Variants in ADGRL3 observed in about 807,000 individuals in gnomAD.
ADGRL3 encodes the protein adhesion G protein-coupled receptor L3, also known as calcium-independent alpha-latrotoxin receptor 3.
Under a neutral mutation model 153.5 loss-of-function variants are expected in ADGRL3, and 62 were observed. That is an observed-to-expected ratio of 0.40 (90% confidence interval 0.33 to 0.50). ADGRL3 has a LOEUF of 0.50. ADGRL3 is among the 20% of genes least tolerant of loss of function. ADGRL3 has a pLI of 0.47. For synonymous variants in ADGRL3, 710 were observed against 672.5 expected, an observed-to-expected ratio of 1.06 and a Z score of -0.86; for missense variants, 1,641 against 1,859.4, an observed-to-expected ratio of 0.88 and a Z score of 2.16.
At chr4:61,524,566 G>T (rs1250664959) in intron 4 of ADGRL3, among the ~76,000 whole-genome samples, 1 of 152,010 alleles carries the variant, frequency 6.6e-6, no homozygotes, top group Non-Finnish European at 1.5e-5. Flanking sequence ...TTTGAAGTCA[G>T]ATTTGTTTCA....
chr4:61,761,382 T>C (rs967228723), intron 8 of ADGRL3, among the ~76,000 whole-genome samples: 1 of 152,204 alleles, frequency 6.6e-6, no homozygotes, highest in African/African-American at 2.4e-5. Context: ...GTTTGGAGGT[T>C]AGAAGCAAGA....
At position 62,071,826 on chromosome 4, in the gene ADGRL3, T is replaced by C; in HGVS notation, c.*918T>C. ...GAACTATCACTTTATAAGAATCATTTTCTAGTAATGCAAACAAATTATTTT... is the reference window on the plus strand; with the variant it reads ...GAACTATCACTTTATAAGAATCATTCTCTAGTAATGCAAACAAATTATTTT... On this transcript the variant is annotated 3_prime_UTR_variant, in exon 27 of 27. Coordinates refer to ENST00000683033, the MANE Select transcript of ADGRL3 (RefSeq NM_001387552.1). 2.8e-6 allele frequency: 1 copy of C among 360,090 alleles called. No individual in the cohort carries two copies. Among genetic ancestry groups the C allele is most frequent in the Non-Finnish European group, 5.4e-6 (1 of 186,840 alleles). 22.3% of individuals were successfully genotyped at this position (360,090 alleles called of 1,614,324 possible).
intron 13 of ADGRL3, among the ~76,000 whole-genome samples, chr4:61,922,950 C>A (rs2098776986): frequency 6.6e-6 from 1 of 152,112 alleles, no homozygotes; most frequent in Non-Finnish European, 1.5e-5. Flanking sequence ...TAAATATGAC[C>A]TTTTGATTAC....
chr4:61,674,944 G>A (rs977208801), intron 5 of ADGRL3, among the ~76,000 whole-genome samples: 1 of 151,942 alleles, frequency 6.6e-6, no homozygotes, highest in Non-Finnish European at 1.5e-5. Flanking sequence ...TTATACATTT[G>A]TCTGATCATC....
chr4:61,871,787 A>G (rs1337316517), intron 9 of ADGRL3, among the ~76,000 whole-genome samples: 1 of 152,162 alleles, frequency 6.6e-6, no homozygotes, highest in African/African-American at 2.4e-5. Flanking sequence ...TAAAGCTGTT[A>G]TTTTAAAAAA....
At chr4:61,856,204 C>T (rs1284382856) in intron 9 of ADGRL3, among the ~76,000 whole-genome samples, 1 of 152,030 alleles carries the variant, frequency 6.6e-6, no homozygotes, top group Non-Finnish European at 1.5e-5. Flanking sequence ...TCCACCTCTA[C>T]AAAAATAAAT....
At chr4:61,905,762 G>A (rs1421103814) in intron 11 of ADGRL3, among the ~76,000 whole-genome samples, 1 of 151,860 alleles carries the variant, frequency 6.6e-6, no homozygotes, top group Non-Finnish European at 1.5e-5. Context: ...GGGCATGGTG[G>A]CATGCACCTT....
At chr4:61,461,230 G>A (rs1028638036) in intron 2 of ADGRL3, among the ~76,000 whole-genome samples, 2 of 152,074 alleles carry the variant, frequency 1.3e-5, no homozygotes, top group Non-Finnish European at 2.9e-5. Context: ...ATGAGATTTC[G>A]GTGGGGACAC....
At chr4:61,978,348 A>G (rs944658350) in intron 17 of ADGRL3, among the ~76,000 whole-genome samples, 12 of 146,580 alleles carry the variant, frequency 8.2e-5, no homozygotes, top group Non-Finnish European at 1.5e-4. Flanking sequence ...TAAAAAAAAA[A>G]TATTAGATTT....
At chr4:61,743,496 C>A (rs2096610556) in intron 8 of ADGRL3, among the ~76,000 whole-genome samples, 1 of 151,686 alleles carries the variant, frequency 6.6e-6, no homozygotes, top group South Asian at 2.1e-4. Context: ...CCTTTCAAAA[C>A]AAGAAAATAG....
intron 2 of ADGRL3, among the ~76,000 whole-genome samples, chr4:61,485,914 CT>C (rs5858704): frequency 0.89 from 131,388 of 147,602 alleles, 58,813 homozygotes; most frequent in East Asian, 0.99. Flanking sequence ...CTATGGAATG[CT>C]TTTTTTTTTT....
rs1050001343 is a variant in ADGRL3, at chr4:61,965,127, A to C, written c.2806-14436A>C. Among the ~76,000 whole-genome samples the C allele has an allele frequency of 3.9e-5, 6 of 152,116 alleles. No homozygotes were observed. In the East Asian group the frequency reaches 1.2e-3, roughly 30 times the overall value. ...ACCCTCCCTCTTCAGCCTCCCAAGT[A>C]GCTGGGACTATAAGCACCCACCACC... On this transcript the variant is annotated intron_variant, in intron 17 of 26. Transcript: ENST00000683033.
chr4:61,662,893 A>T (rs2094650545), intron 5 of ADGRL3, among the ~76,000 whole-genome samples: 1 of 151,930 alleles, frequency 6.6e-6, no homozygotes, highest in African/African-American at 2.4e-5. Flanking sequence ...AAAGCTGAAC[A>T]CTCATCAGGA....
In ADGRL3 at chr4:61,894,307, C is replaced by T. The variant is rs1220303008; in HGVS notation, c.1783+1349C>T. Among the ~76,000 whole-genome samples, 4 of 151,954 alleles carry T rather than the reference C, an allele frequency of 2.6e-5. No individual in the cohort carries two copies. In the South Asian group the frequency reaches 6.2e-4, roughly 24 times the overall value. ...TGATATGGGTATATCATTTCATATTCCATGGTATAGGAAATGGTGGGTGGG... is the reference window on the plus strand; with the variant it reads ...TGATATGGGTATATCATTTCATATTTCATGGTATAGGAAATGGTGGGTGGG... On this transcript the variant is annotated intron_variant, in intron 10 of 26. Transcript: ENST00000683033.
At chr4:61,455,621 G>T (rs2097725792) in intron 2 of ADGRL3, among the ~76,000 whole-genome samples, 2 of 151,920 alleles carry the variant, frequency 1.3e-5, no homozygotes, top group South Asian at 4.2e-4. Context: ...TTTATAGTCT[G>T]CAACTACTGA....
chr4:61,980,337 T>C (rs1180862118), intron 18 of ADGRL3, among the ~76,000 whole-genome samples: 1 of 124,132 alleles, frequency 8.1e-6, no homozygotes, highest in Admixed American at 8.7e-5. Context: ...TTTTTTACTA[T>C]CTCCATGGTT....
chr4:61,364,258 G>C (rs1460185606), intron 1 of ADGRL3, among the ~76,000 whole-genome samples: 1 of 151,316 alleles, frequency 6.6e-6, no homozygotes, highest in Non-Finnish European at 1.5e-5. Context: ...GCTTGAACCT[G>C]GCAGGCAGAG....
rs181701228 is a variant in ADGRL3 at position 62,070,467 on chromosome 4, G to A, written c.4191G>A (p.Glu1397=). 2.2e-5 allele frequency: 34 copies of A among 1,551,428 alleles called. No homozygotes were observed. The East Asian group carries it at 7.8e-4, about 36-fold the overall frequency. Residue 1397 remains glutamate, a synonymous_variant, in exon 27 of 27, where the codon GAG becomes GAA. Coordinates refer to ENST00000683033, the MANE Select transcript of ADGRL3 (RefSeq NM_001387552.1). The part of the protein sequence containing the change: ...EESLGLELIH[E]ESDAPLLPPR... ...GTTTGGGCCTGGAACTCATTCATGA[G>A]GAATCTGATGCTCCTTTGCTGCCCC...
chr4:61,569,033 T>C (rs1306889794), intron 4 of ADGRL3, among the ~76,000 whole-genome samples: 1 of 152,098 alleles, frequency 6.6e-6, no homozygotes, highest in Non-Finnish European at 1.5e-5. Flanking sequence ...AGCATTACTT[T>C]TGTTTCGAGA....
Sources: gnomAD v4.1 joint callset for allele counts (sites outside exome capture counted in the v4.1 genomes callset) on GRCh38, gnomAD v4.1.1 for gene constraint, MANE v1.5 for transcripts, NCBI Gene and HGNC (gene_info 2026-07-23, HGNC 2026-07-21) for gene names.